Variants in EGFLAM observed in about 807,000 individuals in gnomAD.
EGFLAM encodes the protein EGF like, fibronectin type III and laminin G domains.
A neutral mutation model predicts 113.1 loss-of-function variants in EGFLAM; 79 were observed. The ratio of observed to expected loss-of-function variants is 0.70; its 90% confidence interval spans 0.58 to 0.84. EGFLAM has a LOEUF of 0.84. Among genes scored for constraint, EGFLAM ranks in the 40% least tolerant of loss-of-function variants. EGFLAM has a pLI of 0.00. For missense variants in EGFLAM, 1,265 were observed against 1,291.6 expected (o/e 0.98, Z 0.32); for synonymous variants, 504 against 487.6 (o/e 1.03, Z -0.44).
chr5:38,391,410 G>GTGTGTGTGTGTGTGTGTGTT (rs1554010817), intron 6 of EGFLAM, among the ~76,000 whole-genome samples: 22 of 151,160 alleles, frequency 1.5e-4, no homozygotes, highest in African/African-American at 5.4e-4. Context: ...GTGTGTGTGT[G>GTGTGTGTGTGTGTGTGTGTT]TGTGTGTGAT....
chr5:38,367,526 C>T (rs528287047), intron 5 of EGFLAM, among the ~76,000 whole-genome samples: 3 of 152,108 alleles, frequency 2.0e-5, no homozygotes, highest in Non-Finnish European at 4.4e-5. Flanking sequence ...GCTGGGATTA[C>T]AGGCTTGAGC....
chr5:38,270,049 C>G (rs10037967), intron 1 of EGFLAM, among the ~76,000 whole-genome samples: 62,730 of 152,066 alleles, frequency 0.41, 13,478 homozygotes, highest in Middle Eastern at 0.56. Flanking sequence ...AAGACACGCT[C>G]TTCAACCAGG....
intron 6 of EGFLAM, among the ~76,000 whole-genome samples, chr5:38,379,252 G>A (rs1050259050): frequency 6.6e-6 from 1 of 152,140 alleles, no homozygotes; most frequent in African/African-American, 2.4e-5. Context: ...TAAACGGACA[G>A]CAGGCAGATT....
chr5:38,262,623 A>C (rs959206286), intron 1 of EGFLAM, among the ~76,000 whole-genome samples: 1 of 152,178 alleles, frequency 6.6e-6, no homozygotes, highest in African/African-American at 2.4e-5. Context: ...AATGCTTTTA[A>C]GATCCATCCA....
At position 38,396,655 on chromosome 5, in the gene EGFLAM, G is replaced by A. The variant is rs114883878; in HGVS notation, c.713-9471G>A. ...ATCACCTGTCTGAATTTTACACTGC[G>A]CACCCCACCTCCAGTCCTGAAGTAT... On this transcript the variant is annotated intron_variant, in intron 6 of 21. Coordinates refer to ENST00000322350, the MANE Select transcript of EGFLAM (RefSeq NM_152403.4). 6.4e-3 allele frequency among the ~76,000 whole-genome samples: 972 copies of A among 152,234 alleles called. 18 individuals carry two copies. The highest frequency in any genetic ancestry group is 0.022 in the African/African-American group (927 of 41,532).
intron 6 of EGFLAM, among the ~76,000 whole-genome samples, chr5:38,388,059 G>A (rs968044927): frequency 6.6e-6 from 1 of 152,300 alleles, no homozygotes; most frequent in East Asian, 1.9e-4. Flanking sequence ...CAGGCTTTTG[G>A]AATGTGAGTT....
chr5:38,324,043 CAAAAAAAA>C (rs34351121), intron 1 of EGFLAM, among the ~76,000 whole-genome samples: 1 of 92,296 alleles, frequency 1.1e-5, no homozygotes, highest in African/African-American at 4.1e-5. Flanking sequence ...CCATCTCAAA[CAAAAAAAA>C]AAAAAAAAAA....
intron 1 of EGFLAM, among the ~76,000 whole-genome samples, chr5:38,298,070 A>T (rs1210812898): frequency 2.6e-5 from 4 of 151,922 alleles, no homozygotes; most frequent in Non-Finnish European, 4.4e-5. Context: ...AGGGCTTGTG[A>T]AGACTCCGGA....
intron 1 of EGFLAM, among the ~76,000 whole-genome samples, chr5:38,282,085 A>G (rs190387816): frequency 1.3e-5 from 2 of 152,140 alleles, no homozygotes; most frequent in Admixed American, 1.3e-4. Context: ...CTTTTTGCTG[A>G]TATTTATGGT....
intron 12 of EGFLAM, among the ~76,000 whole-genome samples, chr5:38,422,031 G>A (rs1030664698): frequency 6.6e-6 from 1 of 152,038 alleles, no homozygotes. Flanking sequence ...AAACAGAGAC[G>A]GATCTGACAG....
intron 14 of EGFLAM, 106 bp from the exon 15 acceptor site, chr5:38,431,071 A>G (rs1012666876): frequency 2.1e-6 from 2 of 956,354 alleles, no homozygotes; most frequent in African/African-American, 1.6e-5. Context: ...TCTACCAGAA[A>G]CACACTCACA....
intron 12 of EGFLAM, among the ~76,000 whole-genome samples, chr5:38,422,180 T>C (rs559362656): frequency 1.3e-5 from 2 of 152,230 alleles, no homozygotes; most frequent in African/African-American, 2.4e-5. Context: ...GAGTCTTATT[T>C]CTCTTCTACC....
At chr5:38,338,076 C>T (rs1739232697) in intron 2 of EGFLAM, among the ~76,000 whole-genome samples, 1 of 152,188 alleles carries the variant, frequency 6.6e-6, no homozygotes, top group African/African-American at 2.4e-5. Context: ...GGGCTGATAT[C>T]ATTTCACCAA....
In EGFLAM at chr5:38,418,266, G is replaced by A. The variant is rs1365902135; in HGVS notation, c.1684+11G>A. The A allele has an allele frequency of 3.1e-6, 5 of 1,613,712 alleles. No homozygotes were observed. In the East Asian group the frequency reaches 8.9e-5, roughly 29 times the overall value. The stretch of plus-strand genomic sequence containing the variant: ...GTGGGGCTGATGTGGGTAAGTGGCT[G>A]CCTGGTGGGTTGGGGTACTCTTATG... On this transcript the variant is annotated intron_variant, in intron 12 of 21. Coordinates refer to ENST00000322350, the MANE Select transcript of EGFLAM (RefSeq NM_152403.4).
intron 6 of EGFLAM, among the ~76,000 whole-genome samples, chr5:38,373,920 T>G (rs1740296473): frequency 6.6e-6 from 1 of 152,162 alleles, no homozygotes; most frequent in South Asian, 2.1e-4. Context: ...CATGCCGACA[T>G]CTGGTAGCAA....
chr5:38,287,141 A>C (rs1579728201), intron 1 of EGFLAM, among the ~76,000 whole-genome samples: 1 of 152,206 alleles, frequency 6.6e-6, no homozygotes, highest in East Asian at 1.9e-4. Flanking sequence ...TAGGTAATAG[A>C]TCTTGAAGCC....
chr5:38,421,886 T>G (rs974420643), intron 12 of EGFLAM, among the ~76,000 whole-genome samples: 2 of 151,932 alleles, frequency 1.3e-5, no homozygotes, highest in East Asian at 3.9e-4. Flanking sequence ...GGTGCCATGA[T>G]CTAGTTTGTG....
intron 6 of EGFLAM, among the ~76,000 whole-genome samples, chr5:38,387,241 C>T (rs1372860768): frequency 6.6e-6 from 1 of 152,180 alleles, no homozygotes; most frequent in Non-Finnish European, 1.5e-5. Context: ...ATAAAACCAC[C>T]TCCACTGGCT....
chr5:38,330,273 GA>G (rs1372936865), intron 1 of EGFLAM, among the ~76,000 whole-genome samples: 1 of 152,182 alleles, frequency 6.6e-6, no homozygotes, highest in African/African-American at 2.4e-5. Context: ...GAGAGACAGG[GA>G]AGGCCGGAGT....
Sources: gnomAD v4.1 joint callset for allele counts (sites outside exome capture counted in the v4.1 genomes callset) on GRCh38, gnomAD v4.1.1 for gene constraint, MANE v1.5 for transcripts, NCBI Gene and HGNC (gene_info 2026-07-23, HGNC 2026-07-21) for gene names.